ARID1B: variants seen among roughly 807,000 people sequenced by gnomAD.
ARID1B encodes AT-rich interactive domain-containing protein 1B.
ARID1B carries 30 observed loss-of-function variants against 212.3 expected under a neutral mutation model. The ratio of observed to expected loss-of-function variants is 0.14; its 90% CI spans 0.11 to 0.19. The LOEUF (loss-of-function observed/expected upper bound fraction) is 0.19, where lower values mean the gene tolerates loss of function less well. Among genes scored for constraint, ARID1B ranks in the 10% least tolerant of loss-of-function variants. The pLI is 1.00. For missense variants in ARID1B, 2,891 were observed against 3,204.0 expected (o/e 0.90, Z 2.36); for synonymous variants, 1,402 against 1,301.7 (o/e 1.08, Z -1.66).
At chr6:157,000,763 GGCTCA>G (rs961180646) in intron 4 of ARID1B, among the ~76,000 whole-genome samples, 2 of 146,614 alleles carry the variant, frequency 1.4e-5, no homozygotes, top group Non-Finnish European at 3.0e-5. Context: ...GTGCGTTCTC[GGCTCA>G]GTACAACCTC....
intron 3 of ARID1B, among the ~76,000 whole-genome samples, chr6:156,913,543 T>C (rs1790083993): frequency 6.6e-6 from 1 of 152,126 alleles, no homozygotes; most frequent in Non-Finnish European, 1.5e-5. Context: ...CAATATATTA[T>C]TAACTACAGT....
intron 4 of ARID1B, among the ~76,000 whole-genome samples, chr6:156,946,623 G>C (rs1479181779): frequency 1.3e-5 from 2 of 150,712 alleles, no homozygotes; most frequent in African/African-American, 4.9e-5. Flanking sequence ...GACACAACTT[G>C]AGAGTGTTAG....
At chr6:156,876,922 G>A (rs1786608071) in intron 2 of ARID1B, among the ~76,000 whole-genome samples, 1 of 152,144 alleles carries the variant, frequency 6.6e-6, no homozygotes, top group Non-Finnish European at 1.5e-5. Context: ...TTGAGATGGA[G>A]TCTTGCTTTG....
At position 156,982,059 on chromosome 6, in the gene ARID1B, CAT is replaced by C. The variant is rs137987535; in HGVS notation, c.2247+46484_2247+46485del. Among the ~76,000 whole-genome samples, 392 of 151,516 alleles carry C rather than the reference CAT, an allele frequency of 2.6e-3. 1 individual carries two copies. Among genetic ancestry groups the C allele is most frequent in the African/African-American group, 9.1e-3 (374 of 41,252 alleles). ...TTTTTTGTGACTCTTCTGTTTGCCT[CAT>C]GTGTGGATCTCCCGTTTCCTAGATC... is the stretch of plus-strand genomic sequence containing the variant. On this transcript the variant is annotated intron_variant, in intron 4 of 19. Coordinates refer to ENST00000636930, the MANE Select transcript of ARID1B (RefSeq NM_001374828.1).
chr6:156,923,824 C>T (rs756362735), intron 3 of ARID1B, among the ~76,000 whole-genome samples: 4 of 151,866 alleles, frequency 2.6e-5, no homozygotes, highest in Non-Finnish European at 5.9e-5. Context: ...TCTCATGCCT[C>T]AGCCTCCCAA....
rs1785493967 is a variant in ARID1B, at chr6:157,094,610, C to T, written c.2491+9705C>T. Among the ~76,000 whole-genome samples, 2 of 152,152 alleles carry T rather than the reference C, an allele frequency of 1.3e-5. No individual in the cohort carries two copies. Among genetic ancestry groups the T allele is most frequent in the South Asian group, 4.1e-4 (2 of 4,828 alleles). ...CCTCTCGAAATCTGCCCATGTTGGC[C>T]TCCCAAAGTGCTAGGATTACAGGCG... is the stretch of plus-strand genomic sequence containing the variant. On this transcript the variant is annotated intron_variant, in intron 5 of 19. Coordinates refer to ENST00000636930, the MANE Select transcript of ARID1B (RefSeq NM_001374828.1). This position sits in a 1 kb window ranked among gnomAD's most constrained non-coding sequence, Gnocchi z 4.3.
intron 1 of ARID1B, among the ~76,000 whole-genome samples, chr6:156,819,318 T>G (rs1020581616): frequency 1.3e-5 from 2 of 152,250 alleles, no homozygotes; most frequent in Non-Finnish European, 2.9e-5. Flanking sequence ...ACAATTTTTT[T>G]GGGTAGCAAG....
In ARID1B at chr6:156,935,595, G is replaced by A. The variant is rs1395860978; in HGVS notation, c.2247+19G>A. On this transcript the variant is annotated intron_variant, in intron 4 of 19. Coordinates refer to ENST00000636930, the MANE Select transcript of ARID1B (RefSeq NM_001374828.1). ...TTTACCAGTAAGACATTATTGTGCT[G>A]ATTTGGAAATGTAATGAGTTAAAGA... 6.3e-7 allele frequency: 1 copy of A among 1,577,504 alleles called. No individual in the cohort carries two copies. Among genetic ancestry groups the A allele is most frequent in the South Asian group, 1.1e-5 (1 of 89,792 alleles).
At chr6:156,845,867 A>G (rs1397625998) in intron 2 of ARID1B, among the ~76,000 whole-genome samples, 1 of 151,776 alleles carries the variant, frequency 6.6e-6, no homozygotes, top group African/African-American at 2.4e-5. Flanking sequence ...TTAATTCTTT[A>G]ATTTTTGAAA....
At chr6:156,931,833 A>G (rs1425661841) in intron 3 of ARID1B, among the ~76,000 whole-genome samples, 1 of 151,810 alleles carries the variant, frequency 6.6e-6, no homozygotes, top group Non-Finnish European at 1.5e-5. Flanking sequence ...ATGGTGGCGC[A>G]TGCCTGTAAT....
At chr6:157,167,292 C>T (rs896408182) in intron 9 of ARID1B, 107 bp downstream of exon 9, 45 of 1,378,458 alleles carry the variant, frequency 3.3e-5, no homozygotes, top group Middle Eastern at 2.4e-4. Flanking sequence ...GATCAGTTGG[C>T]GAAAGTGGGA....
intron 4 of ARID1B, among the ~76,000 whole-genome samples, chr6:157,060,872 T>A (rs1288805399): frequency 6.6e-6 from 1 of 152,156 alleles, no homozygotes; most frequent in East Asian, 1.9e-4. Context: ...AGGTTAATTT[T>A]GCCCCATCTG....
chr6:156,880,797 T>C (rs158258), intron 2 of ARID1B, among the ~76,000 whole-genome samples: 28,137 of 150,094 alleles, frequency 0.19, 3,064 homozygotes, highest in African/African-American at 0.27. Flanking sequence ...TTGATGGCTT[T>C]TGGTGGATGT....
At chr6:157,137,849 G>A (rs774296336) in intron 7 of ARID1B, among the ~76,000 whole-genome samples, 12 of 152,060 alleles carry the variant, frequency 7.9e-5, no homozygotes, top group Non-Finnish European at 1.2e-4. Context: ...ACAAGTAGGT[G>A]TAAATTATTT....
At chr6:156,900,634 GA>G (rs1173457562) in intron 2 of ARID1B, among the ~76,000 whole-genome samples, 1 of 152,102 alleles carries the variant, frequency 6.6e-6, no homozygotes, top group Non-Finnish European at 1.5e-5. Context: ...TTCTCATTAA[GA>G]AAATATTCAA....
rs1276174926 is a variant in ARID1B, at chr6:157,208,122, C to CT, written c.*239dup. 7.6e-5 allele frequency: 33 copies of CT among 437,082 alleles called. No individual in the cohort carries two copies. The highest frequency in any genetic ancestry group is 1.2e-4 in the South Asian group (1 of 8,544). 27.1% of individuals were successfully genotyped at this position (437,082 alleles called of 1,614,324 possible). On this transcript the variant is annotated 3_prime_UTR_variant, in exon 20 of 20. Transcript: ENST00000636930. ...ACATCCTTTGGGGTTTTTTTTTTCT[C>CT]TTTTTTTTAACCAAAGTTGCTGTCT...
Position 156,896,807 on chromosome 6 carries a change from A to T in ARID1B, c.1987-4569A>T, listed in dbSNP as rs372701168. On this transcript the variant is annotated intron_variant, in intron 2 of 19. Coordinates refer to ENST00000636930, the MANE Select transcript of ARID1B (RefSeq NM_001374828.1). ...AGCAGGAGAATCACTTGAACCTGGG[A>T]GGCGGAGGTTGCAGTGAGCTGAGAT... 1.9e-4 allele frequency among the ~76,000 whole-genome samples: 29 copies of T among 152,246 alleles called. No individual in the cohort carries two copies. In the South Asian group the frequency reaches 6.0e-3, roughly 32 times the overall value.
chr6:156,787,562 A>G (rs1222116557), intron 1 of ARID1B, among the ~76,000 whole-genome samples: 1 of 152,146 alleles, frequency 6.6e-6, no homozygotes, highest in Non-Finnish European at 1.5e-5. Flanking sequence ...ACCATATATC[A>G]AGCTACACAC....
chr6:156,817,214 A>G (rs1030003225), intron 1 of ARID1B, among the ~76,000 whole-genome samples: 1 of 151,964 alleles, frequency 6.6e-6, no homozygotes, highest in African/African-American at 2.4e-5. Context: ...TGTCTCTACT[A>G]AAAATACAAA....
Sources: gnomAD v4.1 joint callset for allele counts (sites outside exome capture counted in the v4.1 genomes callset) on GRCh38, gnomAD v4.1.1 for gene constraint, Gnocchi (gnomAD v3.1) non-coding constraint, MANE v1.5 for transcripts, NCBI Gene and HGNC (gene_info 2026-07-23, HGNC 2026-07-21) for gene names.